TBC1D12: variants seen among roughly 807,000 people sequenced by gnomAD.
TBC1D12 encodes the protein TBC1 domain family, member 12.
In TBC1D12, 56 loss-of-function variants were observed where a neutral mutation model predicts 86.7. That is an observed-to-expected ratio of 0.65 (90% CI 0.52 to 0.81). The LOEUF is 0.81. TBC1D12 is among the 30% of genes least tolerant of loss of function. The pLI is 0.00. For missense variants in TBC1D12, 1,023 were observed against 1,038.8 expected, an observed-to-expected ratio of 0.98 and a Z score of 0.21; for synonymous variants, 421 against 411.7, an observed-to-expected ratio of 1.02 and a Z score of -0.27.
At chr10:94,524,582 T>C (rs1333873318) in intron 11 of TBC1D12, among the ~76,000 whole-genome samples, 1 of 151,712 alleles carries the variant, frequency 6.6e-6, no homozygotes, top group Admixed American at 6.6e-5. Flanking sequence ...CTACTAAAAA[T>C]AGAAAAATTA....
intron 3 of TBC1D12, among the ~76,000 whole-genome samples, chr10:94,490,261 A>G (rs1444764732): frequency 7.0e-6 from 1 of 143,658 alleles, no homozygotes; most frequent in East Asian, 2.6e-4. Flanking sequence ...GTTTCAAAAG[A>G]AAAAAAAAAA....
rs1332534408 is a variant in TBC1D12 at position 94,475,904 on chromosome 10, T to TA, written c.1211+1122dup. Among the ~76,000 whole-genome samples the TA allele has an allele frequency of 2.0e-5, 3 of 152,278 alleles. No homozygotes were observed. The South Asian group carries it at 6.2e-4, about 32-fold the overall frequency. On this transcript the variant is annotated intron_variant, in intron 3 of 12. Coordinates refer to ENST00000225235, the MANE Select transcript of TBC1D12 (RefSeq NM_015188.2). The stretch of plus-strand genomic sequence containing the variant: ...GTTCTCTGGATCAATTCTTTTTTTT[T>TA]ACTAGGATTGTCTCTCTGTCCCTCT...
intron 3 of TBC1D12, among the ~76,000 whole-genome samples, chr10:94,480,249 G>T (rs1359690653): frequency 6.6e-6 from 1 of 152,148 alleles, no homozygotes; most frequent in Non-Finnish European, 1.5e-5. Flanking sequence ...TAAATTTTTG[G>T]TGGTGTACTG....
At chr10:94,404,309 TA>T (rs1276392029) in intron 1 of TBC1D12, among the ~76,000 whole-genome samples, 15 of 152,166 alleles carry the variant, frequency 9.9e-5, no homozygotes, top group Non-Finnish European at 1.8e-4. Flanking sequence ...TTAGTTTTTT[TA>T]AAAAATGGTA....
chr10:94,457,204 G>C (rs527245136), intron 2 of TBC1D12, among the ~76,000 whole-genome samples: 2 of 152,232 alleles, frequency 1.3e-5, no homozygotes, highest in African/African-American at 4.8e-5. Flanking sequence ...TGTCATTTAT[G>C]TTTTAAGCCC....
chr10:94,410,910 TATC>T (rs2054920133), intron 1 of TBC1D12, among the ~76,000 whole-genome samples: 1 of 152,220 alleles, frequency 6.6e-6, no homozygotes, highest in African/African-American at 2.4e-5. Context: ...TCAGTTCTAA[TATC>T]ATGGTATTAT....
chr10:94,427,162 A>G (rs920779544), intron 1 of TBC1D12, among the ~76,000 whole-genome samples: 1 of 152,218 alleles, frequency 6.6e-6, no homozygotes, highest in African/African-American at 2.4e-5. Context: ...GTATTTACAC[A>G]TATGGTTAGT....
In TBC1D12 at chr10:94,491,953, G is replaced by A. The variant is rs183003282; in HGVS notation, c.1212-1412G>A. Among the ~76,000 whole-genome samples, 33 of 152,010 alleles carry A rather than the reference G, an allele frequency of 2.2e-4. 7 individuals carry two copies. In the East Asian group the frequency reaches 5.8e-3, roughly 27 times the overall value. ...ATATGCTGAAGTTGCTAAGATCTGT[G>A]GTAAGAATCAGTTTCCTATCCATGA... On this transcript the variant is annotated intron_variant, in intron 3 of 12. Transcript: ENST00000225235.
At position 94,476,157 on chromosome 10, in the gene TBC1D12, C is replaced by T. The variant is rs572302099; in HGVS notation, c.1211+1374C>T. ...TTTTTTTAAATGTAAAACTTCCTAG[C>T]CTTTCTTGCCATTTTCCTGATCTGG... On this transcript the variant is annotated intron_variant, in intron 3 of 12. Transcript: ENST00000225235. Among the ~76,000 whole-genome samples, 3 of 152,044 alleles carry T rather than the reference C, an allele frequency of 2.0e-5. No individual in the cohort carries two copies. The East Asian group carries it at 5.8e-4, about 29-fold the overall frequency.
In TBC1D12 at chr10:94,403,511, G is replaced by T; in HGVS notation, c.898G>T (p.Ala300Ser). 1 of 1,560,648 alleles carries T rather than the reference G, an allele frequency of 6.4e-7. No individual in the cohort carries two copies. The highest frequency in any genetic ancestry group is 8.6e-7 in the Non-Finnish European group (1 of 1,156,322). The change falls in exon 1 of 13, where the codon GCC (alanine) becomes TCC (serine). Residue 300 changes from alanine to serine, a missense_variant. Physicochemically the swap from Ala to Ser is moderately conservative, Grantham distance 99. Around this residue, in one of 2 missense-constraint regions of TBC1D12, gnomAD observed 628 missense variants for 531.1 expected, o/e 1.18. Coordinates refer to ENST00000225235, the MANE Select transcript of TBC1D12 (RefSeq NM_015188.2). ...GGCGGGGCCGCCGGTGCCCTTGCCC[G>T]CCGCGGAGCAGGGTCCTGCGGGGGC... Reference protein sequence around the residue: ...PPAGPPVPLPAAEQGPAGASA... With the variant: ...PPAGPPVPLPSAEQGPAGASA...
At chr10:94,521,238 C>CAAAAAAAAAAAAAAAAA (rs398038539) in intron 9 of TBC1D12, among the ~76,000 whole-genome samples, 1 of 122,752 alleles carries the variant, frequency 8.1e-6, no homozygotes, top group African/African-American at 3.1e-5. Flanking sequence ...AAAAAAAAAA[C>CAAAAAAAAAAAAAAAAA]AAAAAAAAAA....
intron 12 of TBC1D12, among the ~76,000 whole-genome samples, chr10:94,532,089 C>T (rs1842449484): frequency 6.6e-6 from 1 of 151,676 alleles, no homozygotes; most frequent in South Asian, 2.1e-4. Context: ...ACTGTGTTAG[C>T]CAGGATTGTC....
chr10:94,494,490 A>G (rs1347697700), intron 4 of TBC1D12, among the ~76,000 whole-genome samples: 5 of 152,226 alleles, frequency 3.3e-5, no homozygotes, highest in Admixed American at 3.3e-4. Flanking sequence ...GTATTTTACT[A>G]TACAGAATTC....
At chr10:94,463,513 A>G (rs576529338) in intron 2 of TBC1D12, among the ~76,000 whole-genome samples, 1 of 152,332 alleles carries the variant, frequency 6.6e-6, no homozygotes, top group East Asian at 1.9e-4. Context: ...TAATCCATTC[A>G]TGAGGGCAGA....
chr10:94,465,841 T>C (rs1016891837), intron 2 of TBC1D12, among the ~76,000 whole-genome samples: 1 of 151,394 alleles, frequency 6.6e-6, no homozygotes, highest in East Asian at 1.9e-4. Context: ...TACGCATACA[T>C]ATATACGTAC....
At chr10:94,526,779 G>A (rs1312548135) in intron 11 of TBC1D12, among the ~76,000 whole-genome samples, 5 of 152,096 alleles carry the variant, frequency 3.3e-5, no homozygotes, top group South Asian at 2.1e-4. Flanking sequence ...TCATATGGTC[G>A]TTCTATTTGT....
At chr10:94,478,721 G>A (rs983091703) in intron 3 of TBC1D12, among the ~76,000 whole-genome samples, 2 of 152,184 alleles carry the variant, frequency 1.3e-5, no homozygotes, top group African/African-American at 4.8e-5. Flanking sequence ...AATCCATGGA[G>A]TTTAGTCCTC....
chr10:94,404,648 CAA>C (rs11365857), intron 1 of TBC1D12, among the ~76,000 whole-genome samples: 134 of 125,686 alleles, frequency 1.1e-3, no homozygotes, highest in African/African-American at 1.4e-3. Context: ...CTCCGTCTTT[CAA>C]AAAAAAAAAA....
At chr10:94,453,655 A>T (rs1220005291) in intron 2 of TBC1D12, among the ~76,000 whole-genome samples, 32 of 152,270 alleles carry the variant, frequency 2.1e-4, no homozygotes, top group African/African-American at 7.0e-4. Flanking sequence ...TTTTTTGTAG[A>T]TCATGCCTTT....
Sources: gnomAD v4.1 joint callset for allele counts (sites outside exome capture counted in the v4.1 genomes callset) on GRCh38, gnomAD v4.1.1 for gene constraint, gnomAD v4.1.1 regional missense constraint, MANE v1.5 for transcripts, NCBI Gene and HGNC (gene_info 2026-07-23, HGNC 2026-07-21) for gene names.